Variants in EFHC1 observed in about 807,000 individuals in gnomAD.
EFHC1 encodes EF-hand domain-containing protein 1.
A neutral mutation model predicts 69.9 loss-of-function variants in EFHC1; 53 were observed. The ratio of observed to expected loss-of-function variants is 0.76; its 90% CI spans 0.61 to 0.95. The LOEUF is 0.95. Ranked by LOEUF, EFHC1 falls within the 40% of genes least tolerant of loss-of-function variation. The pLI is 0.00. For synonymous variants in EFHC1, 256 were observed against 278.4 expected, an observed-to-expected ratio of 0.92 and a Z score of 0.80; for missense variants, 739 against 798.7, an observed-to-expected ratio of 0.93 and a Z score of 0.90.
At chr6:52,489,330 G>A (rs990231849) in intron 9 of EFHC1, 3 of 152,168 alleles carry the variant, frequency 2.0e-5, no homozygotes, top group African/African-American at 7.2e-5. Flanking sequence ...AGTCACTCGG[G>A]TCTTCAAATG....
chr6:52,442,338 G>A (rs555990203), intron 3 of EFHC1, among the ~76,000 whole-genome samples: 64 of 151,860 alleles, frequency 4.2e-4, no homozygotes, highest in Non-Finnish European at 8.1e-4. Flanking sequence ...GGGTACATGC[G>A]CACAACGTGC....
At chr6:52,481,379 G>C (rs935667402) in intron 9 of EFHC1, among the ~76,000 whole-genome samples, 1 of 152,100 alleles carries the variant, frequency 6.6e-6, no homozygotes, top group African/African-American at 2.4e-5. Flanking sequence ...GTTTAAGACA[G>C]CCAAGTAGAG....
Position 52,479,119 on chromosome 6 carries a change from C to A in EFHC1, c.1361C>A (p.Pro454His). 1 of 1,614,128 alleles carries A rather than the reference C, an allele frequency of 6.2e-7. No individual in the cohort carries two copies. Residue 454 changes from proline (P) to histidine (H), a missense_variant, in exon 8 of 11, where the codon CCT (proline) becomes CAT (histidine). Pro to His is a moderately conservative substitution (Grantham distance 77, BLOSUM62 -2). Coordinates refer to ENST00000371068, the MANE Select transcript of EFHC1 (RefSeq NM_018100.4). ...LATDMISIFE[P>H]PVRNSGIIGG... ...ACCGACATGATCAGTATCTTTGAGC[C>A]TCCTGTTCGCAATTCTGGTATCATT...
chr6:52,425,497 G>A (rs922564890), intron 2 of EFHC1, among the ~76,000 whole-genome samples: 3 of 152,158 alleles, frequency 2.0e-5, no homozygotes, highest in African/African-American at 7.2e-5. Context: ...AATTGCGCTT[G>A]AGTAGGAAAT....
chr6:52,448,113 G>A (rs568876999), intron 3 of EFHC1, among the ~76,000 whole-genome samples: 5 of 152,330 alleles, frequency 3.3e-5, no homozygotes, highest in East Asian at 3.9e-4. Context: ...AGACAGGGAC[G>A]TTTAAGTCTG....
At chr6:52,439,274 A>G (rs1764605866) in intron 3 of EFHC1, among the ~76,000 whole-genome samples, 1 of 152,166 alleles carries the variant, frequency 6.6e-6, no homozygotes, top group Admixed American at 6.6e-5. Flanking sequence ...TCTAGCAGCA[A>G]AGATATAGTT....
intron 2 of EFHC1, among the ~76,000 whole-genome samples, chr6:52,432,091 A>G (rs1298956880): frequency 6.6e-6 from 1 of 152,026 alleles, no homozygotes; most frequent in African/African-American, 2.4e-5. Context: ...ATGAGTCCTT[A>G]TGTATTAGGT....
chr6:52,453,305 T>C (rs1453208488), intron 4 of EFHC1: 4 of 1,287,238 alleles, frequency 3.1e-6, no homozygotes, highest in Non-Finnish European at 4.0e-6. Flanking sequence ...AAATGTTATA[T>C]TAATATTGGA....
intron 9 of EFHC1, chr6:52,483,978 T>TG (rs926905027): frequency 2.0e-5 from 3 of 152,168 alleles, no homozygotes; most frequent in African/African-American, 4.8e-5. Context: ...AACAGAAAAA[T>TG]GGGGCAGCAG....
chr6:52,476,936 A>T (rs1024116506), intron 7 of EFHC1, among the ~76,000 whole-genome samples: 1 of 152,210 alleles, frequency 6.6e-6, no homozygotes, highest in African/African-American at 2.4e-5. Flanking sequence ...AGATAATTGT[A>T]CTAATGGCTA....
rs780730246 is a variant in EFHC1 at position 52,479,224 on chromosome 6, A to G, written c.1466A>G (p.Asp489Gly). 1 of 1,614,044 alleles carries G rather than the reference A, an allele frequency of 6.2e-7. No homozygotes were observed. Among genetic ancestry groups the G allele is most frequent in the Admixed American group, 1.7e-5 (1 of 60,014 alleles). ...VDNPVYYGPSDFFIGAVIEVF... is the reference protein window; with the variant it reads ...VDNPVYYGPSGFFIGAVIEVF... ...AACCCTGTCTACTATGGCCCCAGTG[A>G]CTTCTTCATTGGTGCTGTGATTGAA... Residue 489 changes from aspartate (D) to glycine (G), a missense_variant, in exon 8 of 11, where the codon GAC becomes GGC. By Grantham distance (94) the Asp-to-Gly change is moderately conservative. Transcript: ENST00000371068.
At chr6:52,437,919 A>G (rs1326134774) in intron 2 of EFHC1, among the ~76,000 whole-genome samples, 1 of 152,254 alleles carries the variant, frequency 6.6e-6, no homozygotes, top group African/African-American at 2.4e-5. Context: ...CTCTGTCACA[A>G]CTATTCAACT....
Position 52,424,172 on chromosome 6 carries a change from C to G in EFHC1, c.285+5C>G. 1 of 1,613,356 alleles carries G rather than the reference C, an allele frequency of 6.2e-7. No individual in the cohort carries two copies. Among genetic ancestry groups the G allele is most frequent in the Non-Finnish European group, 8.5e-7 (1 of 1,179,620 alleles). ...CATGTGGCCTTTGACAAAAAGGTAT[C>G]ATCTGGAATTTTAGGGTACCCCTTG... On this transcript the variant is annotated splice_donor_5th_base_variant and intron_variant, in intron 2 of 10. Coordinates refer to ENST00000371068, the MANE Select transcript of EFHC1 (RefSeq NM_018100.4).
intron 5 of EFHC1, among the ~76,000 whole-genome samples, chr6:52,458,306 A>G (rs941888898): frequency 1.3e-5 from 2 of 152,312 alleles, no homozygotes; most frequent in South Asian, 2.1e-4. Context: ...AAAATTGACA[A>G]TTGGGACCTA....
At chr6:52,472,920 G>A (rs1057133788) in intron 7 of EFHC1, among the ~76,000 whole-genome samples, 3 of 152,028 alleles carry the variant, frequency 2.0e-5, no homozygotes, top group Admixed American at 2.0e-4. Context: ...AATAAATGAA[G>A]GGATATACCA....
At chr6:52,458,269 A>G (rs1038725838) in intron 5 of EFHC1, among the ~76,000 whole-genome samples, 1 of 114,660 alleles carries the variant, frequency 8.7e-6, no homozygotes, top group Admixed American at 8.5e-5. Context: ...GAGCAGGGGG[A>G]AAAAAAAAGC....
chr6:52,473,135 C>A (rs141342304), intron 7 of EFHC1, among the ~76,000 whole-genome samples: 1 of 152,232 alleles, frequency 6.6e-6, no homozygotes, highest in African/African-American at 2.4e-5. Flanking sequence ...ACAAAAATAT[C>A]ACTGTGTATT....
intron 9 of EFHC1, chr6:52,480,025 G>A (rs1765641029): frequency 1.5e-6 from 1 of 659,544 alleles, no homozygotes. Context: ...AGGGGTACCA[G>A]CCTCCCTCCA....
At chr6:52,487,515 G>A (rs1206738659) in intron 9 of EFHC1, 1 of 152,166 alleles carries the variant, frequency 6.6e-6, no homozygotes, top group Non-Finnish European at 1.5e-5. Flanking sequence ...GTCCATCTGA[G>A]CCACCAGCAT....
Sources: allele counts gnomAD v4.1 joint callset (sites outside exome capture counted in the v4.1 genomes callset), GRCh38; gene constraint gnomAD v4.1.1; transcripts MANE v1.5; gene names NCBI Gene and HGNC (gene_info 2026-07-23, HGNC 2026-07-21).